The following USP25 variants were observed in gnomAD, a reference collection of about 807,000 sequenced individuals.
USP25 encodes ubiquitin carboxyl-terminal hydrolase 25.
Under a neutral mutation model 158.5 loss-of-function variants are expected in USP25, and 85 were observed. The ratio of observed to expected loss-of-function variants is 0.54; its 90% CI spans 0.45 to 0.64. The LOEUF (loss-of-function observed/expected upper bound fraction) is 0.64, where lower values mean the gene tolerates loss of function less well. Among genes scored for constraint, USP25 ranks in the 30% least tolerant of loss-of-function variants. USP25 has a pLI of 0.00. For missense variants in USP25, 1,242 were observed against 1,327.3 expected, an observed-to-expected ratio of 0.94 and a Z score of 1.00; for synonymous variants, 464 against 460.4, an observed-to-expected ratio of 1.01 and a Z score of -0.10.
At chr21:15,839,799 A>G (rs181577517) in intron 17 of USP25, among the ~76,000 whole-genome samples, 18 of 152,036 alleles carry the variant, frequency 1.2e-4, no homozygotes, top group Admixed American at 4.6e-4. Flanking sequence ...ACACCAGATT[A>G]CTCATCGTTT....
chr21:15,866,218 TATACACACAC>T (rs1365036080), intron 21 of USP25, 38 bp from the exon 22 acceptor site: 9 of 1,179,588 alleles, frequency 7.6e-6, no homozygotes, highest in South Asian at 3.9e-5. Context: ...TATATATATA[TATACACACAC>T]ATACACACAC....
chr21:15,739,841 T>C (rs2031873133), intron 1 of USP25, among the ~76,000 whole-genome samples: 1 of 152,214 alleles, frequency 6.6e-6, no homozygotes. Flanking sequence ...GTTGAATTTA[T>C]AAAAGGATGA....
At chr21:15,765,890 A>C in intron 2 of USP25, 107 bp from the exon 3 acceptor site, 1 of 1,183,030 alleles carries the variant, frequency 8.5e-7, no homozygotes, top group South Asian at 1.7e-5. Context: ...ATTAATTGCA[A>C]ATTTAAAGCA....
At chr21:15,752,095 G>A (rs1568759442) in intron 1 of USP25, among the ~76,000 whole-genome samples, 1 of 151,972 alleles carries the variant, frequency 6.6e-6, no homozygotes, top group African/African-American at 2.4e-5. Flanking sequence ...CACCACGCCT[G>A]GCTAATTTTG....
chr21:15,841,966 T>C (rs992460400), intron 17 of USP25, among the ~76,000 whole-genome samples: 1 of 152,176 alleles, frequency 6.6e-6, no homozygotes, highest in African/African-American at 2.4e-5. Flanking sequence ...AAGGTTAGGT[T>C]CATTCAGGGT....
intron 23 of USP25, 36 bp from the exon 24 acceptor site, chr21:15,874,367 A>G (rs1443069336): frequency 3.2e-6 from 5 of 1,549,244 alleles, no homozygotes; most frequent in Non-Finnish European, 4.4e-6. Context: ...ACAAAGGTGA[A>G]ATACTAATGT....
intron 5 of USP25, among the ~76,000 whole-genome samples, chr21:15,792,052 C>G (rs1414289955): frequency 6.6e-6 from 1 of 151,690 alleles, no homozygotes; most frequent in African/African-American, 2.4e-5. Flanking sequence ...ATATACTAGA[C>G]AGTGTTATTT....
chr21:15,875,087 G>C lies in USP25; in HGVS notation c.3009+561G>C, dbSNP rs1317776128. 6.6e-6 allele frequency among the ~76,000 whole-genome samples: 1 copy of C among 152,134 alleles called. No individual in the cohort carries two copies. Among genetic ancestry groups the C allele is most frequent in the Admixed American group, 6.5e-5 (1 of 15,272 alleles). On this transcript the variant is annotated intron_variant, in intron 24 of 25. Coordinates refer to ENST00000400183, the MANE Select transcript of USP25 (RefSeq NM_001283041.3). This position sits in a 1 kb window ranked among gnomAD's most constrained non-coding sequence, Gnocchi z 4.7. ...CTCAGGAGGCTGAGGCAGGGGAATC[G>C]CATGAACCTGGGAAGTGGAGGTTGC... is the stretch of plus-strand genomic sequence containing the variant.
chr21:15,762,146 GA>G (rs2033767577), intron 1 of USP25, among the ~76,000 whole-genome samples: 1 of 151,660 alleles, frequency 6.6e-6, no homozygotes, highest in African/African-American at 2.4e-5. Flanking sequence ...GATTTCAATA[GA>G]TCCTATTCTA....
chr21:15,830,454 A>C, intron 14 of USP25, 77 bp from the exon 15 acceptor site: 1 of 1,262,416 alleles, frequency 7.9e-7, no homozygotes, highest in East Asian at 2.5e-5. Context: ...ACATGTTTGT[A>C]GGAAAAACAT....
chr21:15,826,981 A>G lies in USP25; in HGVS notation c.1471A>G (p.Thr491Ala). The change falls in exon 14 of 26, where the codon ACA becomes GCA. Residue 491 changes from threonine to alanine, a missense_variant. Physicochemically the swap from Thr to Ala is moderately conservative, Grantham distance 58 (BLOSUM62 0). Coordinates refer to ENST00000400183, the MANE Select transcript of USP25 (RefSeq NM_001283041.3). The surrounding 1 kb of genome is among the most constrained non-coding windows in gnomAD (Gnocchi z 4.8). ...ATACTCTATGCTTTGATACAGCACA[A>G]CAGAACAACAGGGAGCCCTATCTTC... ...SIPSQTLPST[T>A]EQQGALSSEL... is the part of the protein sequence containing the mutation. 3.1e-6 allele frequency: 5 copies of G among 1,613,410 alleles called. No homozygotes were observed. The highest frequency in any genetic ancestry group is 4.2e-6 in the Non-Finnish European group (5 of 1,180,008).
chr21:15,860,971 TATATAG>T (rs1266968971), intron 20 of USP25, among the ~76,000 whole-genome samples: 93 of 143,622 alleles, frequency 6.5e-4, no homozygotes, highest in African/African-American at 2.1e-3. Flanking sequence ...TATATATATA[TATATAG>T]AGAGAGAGAG....
chr21:15,862,607 G>C (rs1400142718), intron 20 of USP25, among the ~76,000 whole-genome samples: 2 of 143,394 alleles, frequency 1.4e-5, no homozygotes, highest in East Asian at 4.1e-4. Context: ...ATAATAGGAA[G>C]ATTTTTAAAG....
chr21:15,841,733 C>T (rs1450763043), intron 17 of USP25, among the ~76,000 whole-genome samples: 1 of 152,156 alleles, frequency 6.6e-6, no homozygotes, highest in African/African-American at 2.4e-5. Flanking sequence ...GAGACAGAGA[C>T]TGGCTGCTTT....
intron 20 of USP25, among the ~76,000 whole-genome samples, 185 bp downstream of exon 20, chr21:15,850,057 C>T (rs1050923496): frequency 1.3e-5 from 2 of 151,834 alleles, no homozygotes; most frequent in Non-Finnish European, 2.9e-5. Flanking sequence ...TTGTTTTTCT[C>T]TTAATCCAGG....
chr21:15,755,056 A>G (rs2033285232), intron 1 of USP25, among the ~76,000 whole-genome samples: 1 of 152,162 alleles, frequency 6.6e-6, no homozygotes, highest in African/African-American at 2.4e-5. Flanking sequence ...TAATGAATTA[A>G]TCTTGTCATT....
chr21:15,804,442 G>A (rs2036277926), intron 6 of USP25, among the ~76,000 whole-genome samples: 1 of 151,230 alleles, frequency 6.6e-6, no homozygotes, highest in African/African-American at 2.4e-5. Flanking sequence ...GATAACTTTA[G>A]ATATAAAATA....
rs1403027447 is a variant in USP25 at position 15,819,698 on chromosome 21, TAATA to T, written c.1080+857_1080+860del. 5.3e-5 allele frequency among the ~76,000 whole-genome samples: 8 copies of T among 152,144 alleles called. No individual in the cohort carries two copies. In the East Asian group the frequency reaches 7.7e-4, roughly 15 times the overall value. On this transcript the variant is annotated intron_variant, in intron 10 of 25. Transcript: ENST00000400183. Reference sequence around the variant, plus strand: ...GAGGTCTTTATACTGAATAGGTGCTTAATAAATATTAAGTGATACGATGTCTCTG... The same window carrying T: ...GAGGTCTTTATACTGAATAGGTGCTTAATATTAAGTGATACGATGTCTCTG...
At chr21:15,774,429 A>C (rs530173058) in intron 3 of USP25, among the ~76,000 whole-genome samples, 6 of 152,322 alleles carry the variant, frequency 3.9e-5, no homozygotes, top group African/African-American at 1.4e-4. Flanking sequence ...TTTTTGCTTG[A>C]AAATTCCATA....
Sources: gnomAD v4.1 joint callset for allele counts (sites outside exome capture counted in the v4.1 genomes callset) on GRCh38, gnomAD v4.1.1 for gene constraint, Gnocchi (gnomAD v3.1) non-coding constraint, MANE v1.5 for transcripts, NCBI Gene and HGNC (gene_info 2026-07-23, HGNC 2026-07-21) for gene names.